ZNF618: variants seen among roughly 807,000 people sequenced by gnomAD.
The protein encoded by ZNF618 is zinc finger protein 618, also known as neural precursor cell expressed, developmentally down-regulated 10.
Under a neutral mutation model 103.0 loss-of-function variants are expected in ZNF618, and 34 were observed. The observed-to-expected ratio is 0.33, with a 90% CI of 0.25 to 0.44. The LOEUF (loss-of-function observed/expected upper bound fraction) is 0.44, where lower values mean the gene tolerates loss of function less well. Ranked by LOEUF, ZNF618 falls within the 20% of genes least tolerant of loss-of-function variation. ZNF618 has a pLI of 1.00. For synonymous variants in ZNF618, 551 were observed against 542.2 expected (o/e 1.02, Z -0.23); for missense variants, 1,059 against 1,295.4 (o/e 0.82, Z 2.80).
At chr9:113,881,152 T>G (rs1828481129) in intron 1 of ZNF618, among the ~76,000 whole-genome samples, 1 of 152,208 alleles carries the variant, frequency 6.6e-6, no homozygotes, top group African/African-American at 2.4e-5. Flanking sequence ...AGTCCTTGTC[T>G]TTTGTTCCCC....
chr9:113,999,146 G>A (rs890207601), intron 4 of ZNF618, among the ~76,000 whole-genome samples: 1 of 152,212 alleles, frequency 6.6e-6, no homozygotes, highest in African/African-American at 2.4e-5. Flanking sequence ...TCACCTCCCT[G>A]GCCCCATCAC....
At chr9:113,888,721 G>A (rs141019960) in intron 1 of ZNF618, among the ~76,000 whole-genome samples, 54 of 152,298 alleles carry the variant, frequency 3.5e-4, no homozygotes, top group African/African-American at 1.2e-3. Context: ...TTCCAGTCTC[G>A]GGTACATTCT....
intron 10 of ZNF618, among the ~76,000 whole-genome samples, chr9:114,018,599 A>G (rs1397777517): frequency 1.3e-5 from 2 of 152,190 alleles, no homozygotes; most frequent in Admixed American, 6.5e-5. Flanking sequence ...CCCACACTCA[A>G]CCATGAAGCT....
intron 1 of ZNF618, among the ~76,000 whole-genome samples, chr9:113,902,110 G>C (rs772757765): frequency 7.2e-5 from 11 of 151,954 alleles, no homozygotes; most frequent in Non-Finnish European, 1.5e-4. Flanking sequence ...AGCTGCCTAC[G>C]TGAGGGTGGA....
chr9:113,917,099 C>G (rs1832174999), intron 1 of ZNF618, among the ~76,000 whole-genome samples: 1 of 152,124 alleles, frequency 6.6e-6, no homozygotes, highest in Non-Finnish European at 1.5e-5. Context: ...TTTGTTTTTT[C>G]TCTGTCACAC....
At chr9:114,041,483 C>T (rs1442644612) in intron 13 of ZNF618, among the ~76,000 whole-genome samples, 1 of 152,096 alleles carries the variant, frequency 6.6e-6, no homozygotes, top group Non-Finnish European at 1.5e-5. Flanking sequence ...AAGTCTTTAA[C>T]CCATCTTGAA....
intron 10 of ZNF618, among the ~76,000 whole-genome samples, chr9:114,021,775 C>G (rs912809826): frequency 2.0e-5 from 3 of 152,096 alleles, no homozygotes; most frequent in Non-Finnish European, 4.4e-5. Flanking sequence ...CTTCCTATTA[C>G]TGTAAATTAG....
chr9:113,904,901 C>T (rs565491390), intron 1 of ZNF618, among the ~76,000 whole-genome samples: 4 of 152,152 alleles, frequency 2.6e-5, no homozygotes, highest in Non-Finnish European at 4.4e-5. Context: ...TCCAACCATC[C>T]AGCATAATCT....
intron 13 of ZNF618, among the ~76,000 whole-genome samples, chr9:114,044,810 G>GT (rs1040682865): frequency 4.6e-5 from 7 of 151,546 alleles, no homozygotes; most frequent in African/African-American, 1.7e-4. Flanking sequence ...TTTTGTTTTT[G>GT]TTTTTTTGGT....
intron 9 of ZNF618, among the ~76,000 whole-genome samples, chr9:114,013,828 G>C (rs1490996569): frequency 6.6e-6 from 1 of 152,214 alleles, no homozygotes; most frequent in Non-Finnish European, 1.5e-5. Context: ...GACCAGCAGA[G>C]CAGCATTCCT....
intron 1 of ZNF618, among the ~76,000 whole-genome samples, chr9:113,912,962 C>T (rs1336525820): frequency 6.6e-6 from 1 of 152,088 alleles, no homozygotes. Flanking sequence ...AGGTCAGAGG[C>T]GGCTGTTACT....
intron 1 of ZNF618, among the ~76,000 whole-genome samples, chr9:113,947,159 C>G (rs1193327828): frequency 6.6e-6 from 1 of 152,140 alleles, no homozygotes; most frequent in Non-Finnish European, 1.5e-5. Context: ...ATTTGGTGCT[C>G]TCGACAAAGA....
intron 10 of ZNF618, among the ~76,000 whole-genome samples, chr9:114,020,061 A>G (rs1842947753): frequency 6.6e-6 from 1 of 152,216 alleles, no homozygotes; most frequent in Admixed American, 6.5e-5. Flanking sequence ...TATTCCATAC[A>G]GATACCTGGT....
chr9:114,002,791 G>A (rs1841371027), intron 6 of ZNF618, 129 bp downstream of exon 6: 1 of 1,007,366 alleles, frequency 9.9e-7, no homozygotes, highest in Non-Finnish European at 1.4e-6. Flanking sequence ...TGGGGTCCAA[G>A]CTTGGGGGCC....
intron 1 of ZNF618, among the ~76,000 whole-genome samples, chr9:113,937,087 A>G (rs1201085715): frequency 6.6e-6 from 1 of 152,240 alleles, no homozygotes; most frequent in South Asian, 2.1e-4. Context: ...GGATGAAACC[A>G]TAACTATCCC....
At position 113,951,402 on chromosome 9, in the gene ZNF618, C is replaced by T. The variant is rs375437523; in HGVS notation, c.34-17715C>T. Among the ~76,000 whole-genome samples the T allele has an allele frequency of 7.4e-4, 25 of 33,586 alleles. 1 individual carries two copies. The highest frequency in any genetic ancestry group is 5.2e-3 in the East Asian group (5 of 962). The allele number at this position is 33,586 out of a possible 152,430, so 22.0% of individuals were successfully genotyped here. A position where few individuals can be genotyped will look rare whatever the true frequency, so the allele number is the denominator to read the frequency against. ...TGGAGCACTTTTTCCTATATATATACGTATATATACACACATATATGTGTG... is the reference window on the plus strand; with the variant it reads ...TGGAGCACTTTTTCCTATATATATATGTATATATACACACATATATGTGTG... On this transcript the variant is annotated intron_variant, in intron 1 of 14. Coordinates refer to ENST00000374126, the MANE Select transcript of ZNF618 (RefSeq NM_001318042.2).
chr9:113,986,717 T>C (rs1314149922), intron 2 of ZNF618, among the ~76,000 whole-genome samples: 1 of 152,160 alleles, frequency 6.6e-6, no homozygotes, highest in Admixed American at 6.5e-5. Flanking sequence ...ACCATCTGAA[T>C]TGGGGGCACA....
At chr9:114,046,580 A>T (rs539990261) in intron 13 of ZNF618, among the ~76,000 whole-genome samples, 196 of 152,334 alleles carry the variant, frequency 1.3e-3, no homozygotes, top group Non-Finnish European at 2.5e-3. Context: ...GAATAGAAGA[A>T]ATGAGAGTGA....
chr9:114,023,538 A>G (rs62556515), intron 10 of ZNF618, among the ~76,000 whole-genome samples: 2,632 of 152,178 alleles, frequency 0.017, 42 homozygotes, highest in Non-Finnish European at 0.025. Flanking sequence ...TGCCTTTTAT[A>G]TTTACTTATT....
Sources: allele counts gnomAD v4.1 joint callset (sites outside exome capture counted in the v4.1 genomes callset), GRCh38; gene constraint gnomAD v4.1.1; transcripts MANE v1.5; gene names NCBI Gene and HGNC (gene_info 2026-07-23, HGNC 2026-07-21).